Variants in ZNF385D observed in about 807,000 individuals in gnomAD.
ZNF385D encodes zinc finger protein 385D.
Under a neutral mutation model 35.8 loss-of-function variants are expected in ZNF385D, and 15 were observed. The ratio of observed to expected loss-of-function variants is 0.42; its 90% CI spans 0.28 to 0.64. The LOEUF (loss-of-function observed/expected upper bound fraction) is 0.64. Among genes scored for constraint, ZNF385D ranks in the 30% least tolerant of loss-of-function variants. The pLI is 0.23. For missense variants in ZNF385D, 474 were observed against 494.6 expected (o/e 0.96, Z 0.39); for synonymous variants, 212 against 186.8 (o/e 1.13, Z -1.10).
At chr3:22,205,030 C>G (rs950884749) in intron 2 of ZNF385D, among the ~76,000 whole-genome samples, 5 of 134,632 alleles carry the variant, frequency 3.7e-5, no homozygotes, top group Admixed American at 3.7e-4. Context: ...GGTTATAGAA[C>G]ACCAAGCAGA....
At chr3:21,878,894 G>T (rs1407044869) in intron 3 of ZNF385D, among the ~76,000 whole-genome samples, 1 of 152,022 alleles carries the variant, frequency 6.6e-6, no homozygotes, top group Non-Finnish European at 1.5e-5. Flanking sequence ...ATGTGGGAAA[G>T]ACCTTATAAA....
At chr3:21,842,524 C>T (rs1038274177) in intron 3 of ZNF385D, among the ~76,000 whole-genome samples, 8 of 151,978 alleles carry the variant, frequency 5.3e-5, no homozygotes, top group Admixed American at 2.6e-4. Flanking sequence ...CACAGGCTCT[C>T]TAGGGCCATC....
intron 3 of ZNF385D, among the ~76,000 whole-genome samples, chr3:22,168,290 C>T (rs898642417): frequency 6.6e-6 from 1 of 152,072 alleles, no homozygotes; most frequent in African/African-American, 2.4e-5. Context: ...ATAAATTCAA[C>T]ACATACTTTT....
At chr3:21,475,549 T>G (rs1704178581) in intron 4 of ZNF385D, among the ~76,000 whole-genome samples, 1 of 152,120 alleles carries the variant, frequency 6.6e-6, no homozygotes, top group Non-Finnish European at 1.5e-5. Flanking sequence ...TAGACTGACT[T>G]CTCTAATATT....
chr3:21,517,731 G>C (rs1707670904), intron 3 of ZNF385D, among the ~76,000 whole-genome samples: 1 of 152,190 alleles, frequency 6.6e-6, no homozygotes, highest in Non-Finnish European at 1.5e-5. Flanking sequence ...GTGAAGATCA[G>C]TATGCATTCT....
chr3:21,971,143 A>C (rs188468177), intron 3 of ZNF385D, among the ~76,000 whole-genome samples: 3 of 152,226 alleles, frequency 2.0e-5, no homozygotes, highest in African/African-American at 7.2e-5. Flanking sequence ...CTCACTGGTA[A>C]TGGTAAGTAC....
intron 3 of ZNF385D, among the ~76,000 whole-genome samples, chr3:22,101,637 T>C (rs187891127): frequency 4.6e-5 from 7 of 152,122 alleles, no homozygotes; most frequent in East Asian, 1.9e-4. Context: ...TCGCCAACTA[T>C]AGCTACTAAT....
chr3:21,850,608 G>T (rs995008707), intron 3 of ZNF385D, among the ~76,000 whole-genome samples: 1 of 152,090 alleles, frequency 6.6e-6, no homozygotes, highest in Non-Finnish European at 1.5e-5. Flanking sequence ...AGCCAGAAAA[G>T]ATCAATTAAT....
chr3:21,602,817 G>C (rs1055898780), intron 2 of ZNF385D, among the ~76,000 whole-genome samples: 2 of 151,976 alleles, frequency 1.3e-5, no homozygotes, highest in Non-Finnish European at 2.9e-5. Context: ...ACAGGCGTGA[G>C]CCACCGCGCC....
intron 3 of ZNF385D, among the ~76,000 whole-genome samples, chr3:21,860,654 A>G (rs1391523810): frequency 6.6e-6 from 1 of 152,140 alleles, no homozygotes; most frequent in South Asian, 2.1e-4. Flanking sequence ...CAGGTTTAAT[A>G]AAATCCTTTC....
At chr3:21,987,791 C>G in intron 3 of ZNF385D, among the ~76,000 whole-genome samples, 1 of 131,574 alleles carries the variant, frequency 7.6e-6, no homozygotes, top group Admixed American at 6.9e-5. Flanking sequence ...TTCTCCCCAT[C>G]ACTTTCAGGT....
At chr3:21,459,780 G>C (rs1381051344) in intron 4 of ZNF385D, among the ~76,000 whole-genome samples, 2 of 152,160 alleles carry the variant, frequency 1.3e-5, no homozygotes, top group Non-Finnish European at 2.9e-5. Context: ...GCATTCAAGA[G>C]AGATGGAATA....
chr3:21,438,717 T>C (rs1701702326), intron 4 of ZNF385D, among the ~76,000 whole-genome samples: 1 of 152,086 alleles, frequency 6.6e-6, no homozygotes, highest in Non-Finnish European at 1.5e-5. Flanking sequence ...ATCAAGTAAG[T>C]CTCTTTCAGT....
chr3:21,928,859 A>G (rs1411854903), intron 3 of ZNF385D, among the ~76,000 whole-genome samples: 3 of 152,154 alleles, frequency 2.0e-5, no homozygotes, highest in East Asian at 1.9e-4. Context: ...ACAGAGAAAC[A>G]CAGCCCCAGA....
At chr3:22,013,163 T>C (rs1696680036) in intron 3 of ZNF385D, among the ~76,000 whole-genome samples, 1 of 152,094 alleles carries the variant, frequency 6.6e-6, no homozygotes, top group Non-Finnish European at 1.5e-5. Flanking sequence ...TCTATAAAAA[T>C]GTGTTAAAAC....
At chr3:22,265,478 C>T (rs931632201) in intron 2 of ZNF385D, among the ~76,000 whole-genome samples, 2 of 151,896 alleles carry the variant, frequency 1.3e-5, no homozygotes, top group Admixed American at 1.3e-4. Context: ...ACTCACCAGG[C>T]CTTTTAAGGT....
At chr3:21,784,785 A>T (rs73142809) in intron 3 of ZNF385D, among the ~76,000 whole-genome samples, 27 of 152,172 alleles carry the variant, frequency 1.8e-4, no homozygotes, top group South Asian at 1.2e-3. Context: ...ATTTTAAATA[A>T]GGACAGGGTC....
chr3:21,480,959 A>C (rs4522792), intron 4 of ZNF385D, among the ~76,000 whole-genome samples: 72,282 of 152,052 alleles, frequency 0.48, 17,689 homozygotes, highest in East Asian at 0.83. Context: ...TACTTATCAC[A>C]TATGATAATC....
At chr3:22,337,723 C>T (rs1399277415) in intron 2 of ZNF385D, among the ~76,000 whole-genome samples, 1 of 151,986 alleles carries the variant, frequency 6.6e-6, no homozygotes. Context: ...ATATTCTCTA[C>T]CTCCTTTTTT....
Sources: gnomAD v4.1 joint callset for allele counts (sites outside exome capture counted in the v4.1 genomes callset) on GRCh38, gnomAD v4.1.1 for gene constraint, MANE v1.5 for transcripts, NCBI Gene and HGNC (gene_info 2026-07-23, HGNC 2026-07-21) for gene names.